ANKAR: variants seen among roughly 807,000 people sequenced by gnomAD.
The protein encoded by ANKAR is ankyrin and armadillo repeat-containing protein.
A neutral mutation model predicts 146.2 loss-of-function variants in ANKAR; 136 were observed. The ratio of observed to expected loss-of-function variants is 0.93; its 90% CI spans 0.81 to 1.07. The LOEUF is 1.07. Among genes scored for constraint, ANKAR ranks in the 50% least tolerant of loss-of-function variants. ANKAR has a pLI of 0.00. For synonymous variants in ANKAR, 500 were observed against 575.8 expected, an observed-to-expected ratio of 0.87 and a Z score of 1.88; for missense variants, 1,567 against 1,679.9, an observed-to-expected ratio of 0.93 and a Z score of 1.18.
rs759393177 is a variant in ANKAR, at chr2:189,737,729, A to C, written c.3470A>C (p.Asn1157Thr). Residue 1157 changes from asparagine (N) to threonine (T), a missense_variant, in exon 18 of 23, where the codon AAT becomes ACT. Coordinates refer to ENST00000684021, the MANE Select transcript of ANKAR (RefSeq NM_001378068.1). ...TATGCATTAACACTTTTTGCCTTCA[A>C]TAATCGCTTTCAACAATACTTAATA... Reference protein sequence around the residue: ...AGYALTLFAFNNRFQQYLILE... With the variant: ...AGYALTLFAFTNRFQQYLILE... The C allele has an allele frequency of 2.5e-6, 4 of 1,599,016 alleles. No homozygotes were observed. The highest frequency in any genetic ancestry group is 8.5e-7 in the Non-Finnish European group (1 of 1,176,452).
In ANKAR at chr2:189,695,154, A is replaced by T. The variant is rs111666297; in HGVS notation, c.1481A>T (p.Lys494Ile). The part of the protein sequence containing the change: ...KKKLGFKRAM[K>I]CKSIPFGMKS... ...AAGCTTGGTTTCAAAAGAGCTATGA[A>T]ATGCAAGGTATTTCAGTGACTACCA... Residue 494 changes from lysine to isoleucine, a missense_variant, in exon 6 of 23, where the codon AAA becomes ATA. By Grantham distance (102) the Lys-to-Ile change is moderately radical. Coordinates refer to ENST00000684021, the MANE Select transcript of ANKAR (RefSeq NM_001378068.1). 3.1e-6 allele frequency: 5 copies of T among 1,601,778 alleles called. No individual in the cohort carries two copies.
At chr2:189,727,523 C>CAAAAAAA (rs777516459) in intron 12 of ANKAR, among the ~76,000 whole-genome samples, 5 of 58,916 alleles carry the variant, frequency 8.5e-5, no homozygotes, top group African/African-American at 2.2e-4. Context: ...AACCTTGTCT[C>CAAAAAAA]AAAAAAAAAA....
intron 2 of ANKAR, among the ~76,000 whole-genome samples, chr2:189,688,235 A>G (rs2035888175): frequency 6.6e-6 from 1 of 152,074 alleles, no homozygotes; most frequent in Admixed American, 6.6e-5. Context: ...TCCCCAGCAT[A>G]TGTTCTTGGC....
chr2:189,738,503 G>A (rs190318919), intron 18 of ANKAR, 62 bp from the exon 19 acceptor site: 31 of 973,412 alleles, frequency 3.2e-5, no homozygotes, highest in East Asian at 2.8e-4. Flanking sequence ...AATGACAAAC[G>A]TGTAATTAGA....
intron 10 of ANKAR, among the ~76,000 whole-genome samples, chr2:189,714,721 C>T (rs973211151): frequency 4.6e-5 from 7 of 151,522 alleles, no homozygotes; most frequent in East Asian, 1.9e-4. Flanking sequence ...CTGAGGCGGG[C>T]GGATCACGAG....
intron 17 of ANKAR, among the ~76,000 whole-genome samples, chr2:189,735,782 T>C (rs1423646195): frequency 6.6e-6 from 1 of 152,220 alleles, no homozygotes. Flanking sequence ...ACCATTGAGA[T>C]TGATTTTCAC....
At chr2:189,727,043 A>G (rs1465992366) in intron 12 of ANKAR, among the ~76,000 whole-genome samples, 2 of 152,148 alleles carry the variant, frequency 1.3e-5, no homozygotes, top group African/African-American at 4.8e-5. Context: ...AAAATGCAAA[A>G]CAAGATGAGA....
chr2:189,705,305 G>A, intron 8 of ANKAR, 81 bp downstream of exon 8: 1 of 1,417,458 alleles, frequency 7.1e-7, no homozygotes, highest in South Asian at 1.3e-5. Flanking sequence ...AAATTAAATA[G>A]AATATAAATT....
chr2:189,735,965 G>A (rs1417547889), intron 17 of ANKAR, among the ~76,000 whole-genome samples: 1 of 152,180 alleles, frequency 6.6e-6, no homozygotes, highest in Admixed American at 6.5e-5. Flanking sequence ...GTAACAATAA[G>A]TAACCAGTGG....
intron 22 of ANKAR, 84 bp downstream of exon 22, chr2:189,744,872 T>C (rs1336999448): frequency 1.8e-6 from 2 of 1,130,150 alleles, no homozygotes; most frequent in East Asian, 5.0e-5. Context: ...AAATTCAAAA[T>C]GTAGGCCGGG....
chr2:189,692,005 G>GC (rs1314491418), intron 3 of ANKAR, among the ~76,000 whole-genome samples: 6 of 151,876 alleles, frequency 4.0e-5, no homozygotes, highest in Admixed American at 2.6e-4. Context: ...CAAGCGATCC[G>GC]CCCCCCTCAG....
intron 3 of ANKAR, among the ~76,000 whole-genome samples, 181 bp downstream of exon 3, chr2:189,690,145 T>G (rs1471471781): frequency 6.6e-6 from 1 of 152,166 alleles, no homozygotes; most frequent in African/African-American, 2.4e-5. Flanking sequence ...TATAGTACTT[T>G]GTATATATTT....
At chr2:189,720,538 T>G (rs2105785723) in intron 11 of ANKAR, 81 bp from the exon 12 acceptor site, 1 of 1,068,766 alleles carries the variant, frequency 9.4e-7, no homozygotes, top group African/African-American at 1.7e-5. Flanking sequence ...GAGCCACCAC[T>G]TCCGGCCAAC....
At chr2:189,727,732 T>C in intron 12 of ANKAR, 124 bp from the exon 13 acceptor site, 1 of 1,227,510 alleles carries the variant, frequency 8.1e-7, no homozygotes. Flanking sequence ...TTTCTATTTT[T>C]CTTTATTTTC....
At chr2:189,687,264 TC>T (rs2035739917) in intron 2 of ANKAR, among the ~76,000 whole-genome samples, 1 of 152,104 alleles carries the variant, frequency 6.6e-6, no homozygotes, top group South Asian at 2.1e-4. Flanking sequence ...TAACATAATG[TC>T]CTCCAGTTTC....
downstream of ANKAR, among the ~76,000 whole-genome samples, chr2:189,751,133 T>C (rs1300465374): frequency 6.6e-6 from 1 of 152,218 alleles, no homozygotes; most frequent in East Asian, 1.9e-4. Context: ...AAAGAGGTCT[T>C]AGTTCCTGCT....
At chr2:189,749,228 A>T (rs1007747075), downstream of ANKAR, among the ~76,000 whole-genome samples, 1 of 141,474 alleles carries the variant, frequency 7.1e-6, no homozygotes, top group Non-Finnish European at 1.5e-5. Context: ...TCTGGACAAC[A>T]GAGCGAGACT....
At chr2:189,699,003 TTTAG>T (rs1559081127) in intron 7 of ANKAR, among the ~76,000 whole-genome samples, 1 of 152,202 alleles carries the variant, frequency 6.6e-6, no homozygotes, top group Non-Finnish European at 1.5e-5. Context: ...TATAAATTTA[TTTAG>T]TTAGTTAGTC....
intron 21 of ANKAR, 142 bp downstream of exon 21, chr2:189,743,616 G>T: frequency 2.5e-6 from 2 of 797,094 alleles, no homozygotes; most frequent in Non-Finnish European, 3.9e-6. Flanking sequence ...TATTCTAAAT[G>T]ACCACTGCCA....
Sources: gnomAD v4.1 joint callset for allele counts (sites outside exome capture counted in the v4.1 genomes callset) on GRCh38, gnomAD v4.1.1 for gene constraint, MANE v1.5 for transcripts, NCBI Gene and HGNC (gene_info 2026-07-23, HGNC 2026-07-21) for gene names.